Variants in BTG4 observed in about 807,000 individuals in gnomAD.
BTG4 encodes the protein protein BTG4.
In BTG4, 10 loss-of-function variants were observed where a neutral mutation model predicts 19.3. That is an observed-to-expected ratio of 0.52 (90% confidence interval 0.32 to 0.88). The LOEUF (loss-of-function observed/expected upper bound fraction) is 0.88, where lower values mean the gene tolerates loss of function less well. BTG4 is among the 40% of genes least tolerant of loss of function. The pLI, the probability that BTG4 is intolerant of heterozygous loss-of-function variation, is 0.04. For synonymous variants in BTG4, 91 were observed against 95.7 expected (o/e 0.95, Z 0.29); for missense variants, 238 against 281.9 (o/e 0.84, Z 1.11).
At chr11:111,422,712 A>T in the BTG4 span, among the ~76,000 whole-genome samples, 1 of 152,140 alleles carries the variant, frequency 6.6e-6, no homozygotes, top group African/African-American at 2.4e-5. Flanking sequence ...GTGACTCCCG[A>T]GGCCAGAAAC....
chr11:111,390,911 G>A, the BTG4 span, among the ~76,000 whole-genome samples: 1 of 152,204 alleles, frequency 6.6e-6, no homozygotes, highest in East Asian at 1.9e-4. Flanking sequence ...TTGCTAAGCT[G>A]ACTCAGACCC....
downstream of BTG4, chr11:111,464,559 A>G (rs891711137): frequency 1.1e-4 from 16 of 152,252 alleles, no homozygotes; most frequent in Non-Finnish European, 1.9e-4. Flanking sequence ...TCGGATACAG[A>G]TAAAGCTGAC....
chr11:111,472,862 G>T (rs2135537485), intron 5 of BTG4, among the ~76,000 whole-genome samples: 1 of 152,278 alleles, frequency 6.6e-6, no homozygotes, highest in South Asian at 2.1e-4. Context: ...TGAACAAGTA[G>T]ATTTATATGG....
At chr11:111,473,445 T>A (rs1486008875) in intron 5 of BTG4, 1 of 152,582 alleles carries the variant, frequency 6.6e-6, no homozygotes, top group Non-Finnish European at 1.5e-5. Context: ...TTATGATCAA[T>A]AGCATTAAGA....
the BTG4 span, among the ~76,000 whole-genome samples, chr11:111,421,949 A>G: frequency 6.6e-6 from 1 of 151,746 alleles, no homozygotes; most frequent in African/African-American, 2.4e-5. Context: ...AGGTCACAGC[A>G]ATTTTTCGTG....
At chr11:111,393,461 A>G in the BTG4 span, among the ~76,000 whole-genome samples, 1 of 152,134 alleles carries the variant, frequency 6.6e-6, no homozygotes, top group African/African-American at 2.4e-5. Flanking sequence ...GACCGGTGGT[A>G]GCTGAGTTCA....
At chr11:111,511,122 C>T (rs1866873292) in intron 1 of BTG4, among the ~76,000 whole-genome samples, 1 of 152,224 alleles carries the variant, frequency 6.6e-6, no homozygotes, top group African/African-American at 2.4e-5. Flanking sequence ...CCGTGCCCCT[C>T]ACAAAGATAA....
upstream of BTG4, chr11:111,513,436 A>C (rs971908834): frequency 1.9e-6 from 1 of 534,426 alleles, no homozygotes; most frequent in East Asian, 5.4e-5. Context: ...AATTTTTTCT[A>C]TGAGTCTAGT....
chr11:111,513,092 T>G, upstream of BTG4: 1 of 434,048 alleles, frequency 2.3e-6, no homozygotes. Flanking sequence ...AGAAGATGCC[T>G]GAGAAGCGCG....
chr11:111,387,862 G>A, the BTG4 span, among the ~76,000 whole-genome samples: 1 of 152,100 alleles, frequency 6.6e-6, no homozygotes, highest in Non-Finnish European at 1.5e-5. Flanking sequence ...CATGTGGTCT[G>A]TCCAAGGCAC....
At chr11:111,484,830 C>T (rs1292633321) in intron 5 of BTG4, among the ~76,000 whole-genome samples, 1 of 152,128 alleles carries the variant, frequency 6.6e-6, no homozygotes, top group Non-Finnish European at 1.5e-5. Flanking sequence ...AATCAAAAGA[C>T]ATACAGTGGC....
the BTG4 span, chr11:111,399,295 C>T: frequency 6.6e-6 from 1 of 152,212 alleles, no homozygotes; most frequent in Non-Finnish European, 1.5e-5. Context: ...TTTGACTGAA[C>T]CCCTGGATAC....
downstream of BTG4, chr11:111,467,519 A>G: frequency 1.8e-6 from 1 of 546,744 alleles, no homozygotes; most frequent in Non-Finnish European, 3.3e-6. Flanking sequence ...ATTTTTTAGC[A>G]AAAGGATAGG....
the BTG4 span, chr11:111,414,852 C>T: frequency 3.3e-5 from 5 of 152,388 alleles, no homozygotes; most frequent in African/African-American, 1.2e-4. Context: ...TAGAAGGAAA[C>T]TTGAAGCCTG....
chr11:111,466,187 G>T (rs1863709561), downstream of BTG4, among the ~76,000 whole-genome samples: 1 of 152,082 alleles, frequency 6.6e-6, no homozygotes, highest in Non-Finnish European at 1.5e-5. Flanking sequence ...CTTTCTTGGG[G>T]TCTTATAGAA....
At chr11:111,412,502 G>T in the BTG4 span, among the ~76,000 whole-genome samples, 2 of 152,168 alleles carry the variant, frequency 1.3e-5, no homozygotes, top group African/African-American at 4.8e-5. Flanking sequence ...TGATGATGAT[G>T]ATACCATTTT....
At chr11:111,506,776 C>A (rs1866481842) in intron 1 of BTG4, among the ~76,000 whole-genome samples, 2 of 151,974 alleles carry the variant, frequency 1.3e-5, no homozygotes, top group Admixed American at 6.6e-5. Flanking sequence ...TAGAATAATA[C>A]TCTCTTATTA....
chr11:111,477,271 T>G (rs544597805), intron 5 of BTG4, among the ~76,000 whole-genome samples: 2 of 152,286 alleles, frequency 1.3e-5, no homozygotes, highest in Admixed American at 1.3e-4. Flanking sequence ...GCGTTTTTAT[T>G]GCTGAATCAA....
chr11:111,418,307 A>G, the BTG4 span: 2 of 152,364 alleles, frequency 1.3e-5, no homozygotes, highest in Middle Eastern at 3.4e-3. Context: ...TATTATGTGC[A>G]AAGTGCTGTG....
Sources: allele counts gnomAD v4.1 joint callset (sites outside exome capture counted in the v4.1 genomes callset), GRCh38; gene constraint gnomAD v4.1.1; transcripts MANE v1.5; gene names NCBI Gene and HGNC (gene_info 2026-07-23, HGNC 2026-07-21).